Variants in AFF1 observed in about 807,000 individuals in gnomAD.
The protein encoded by AFF1 is AF4/FMR2 family member 1.
A neutral mutation model predicts 121.7 loss-of-function variants in AFF1; 48 were observed. The observed-to-expected ratio is 0.39, with a 90% CI of 0.31 to 0.50. The LOEUF is 0.50. Ranked by LOEUF, AFF1 falls within the 20% of genes least tolerant of loss-of-function variation. The probability of loss-of-function intolerance (pLI) is 0.76; values close to 1 mark genes in which losing one functional copy is unlikely to be tolerated. For missense variants in AFF1, 1,523 were observed against 1,511.7 expected (o/e 1.01, Z -0.12); for synonymous variants, 613 against 563.0 (o/e 1.09, Z -1.26).
intron 4 of AFF1, among the ~76,000 whole-genome samples, chr4:87,049,394 G>A (rs1239912638): frequency 1.3e-5 from 2 of 152,092 alleles, no homozygotes; most frequent in East Asian, 3.9e-4. Flanking sequence ...GATGTTTCTG[G>A]GAGAGGATTC....
chr4:87,007,542 T>C, intron 2 of AFF1: 1 of 1,340,832 alleles, frequency 7.5e-7, no homozygotes, highest in Non-Finnish European at 1.1e-6. Context: ...GTCATTGCCT[T>C]CTCATCATTC....
intron 4 of AFF1, among the ~76,000 whole-genome samples, chr4:87,075,231 GT>G (rs930640588): frequency 2.6e-5 from 4 of 151,786 alleles, no homozygotes; most frequent in African/African-American, 9.7e-5. Context: ...GATTTAGTGG[GT>G]TTTTTTAGCT....
chr4:86,971,091 A>G (rs1488151389), intron 2 of AFF1, among the ~76,000 whole-genome samples: 4 of 152,204 alleles, frequency 2.6e-5, no homozygotes, highest in South Asian at 4.1e-4. Flanking sequence ...TGCGGTGAGC[A>G]TGGGAAAAGC....
intron 4 of AFF1, among the ~76,000 whole-genome samples, chr4:87,050,410 A>G (rs946291491): frequency 1.3e-5 from 2 of 152,168 alleles, no homozygotes; most frequent in African/African-American, 2.4e-5. Context: ...GATTTTACAA[A>G]TGAACCCAAA....
intron 2 of AFF1, among the ~76,000 whole-genome samples, chr4:87,019,483 A>T (rs1180891697): frequency 1.3e-5 from 2 of 152,186 alleles, no homozygotes; most frequent in African/African-American, 4.8e-5. Flanking sequence ...AAAAATCTGA[A>T]CTGAAGGGTG....
intron 1 of AFF1, among the ~76,000 whole-genome samples, chr4:86,940,340 T>C (rs1720361864): frequency 6.6e-6 from 1 of 152,206 alleles, no homozygotes; most frequent in Non-Finnish European, 1.5e-5. Context: ...CAAAGGGTTA[T>C]GTGAAGAGGG....
chr4:87,126,106 A>C lies in AFF1; in HGVS notation c.2581A>C (p.Arg861=), dbSNP rs1435645522. 3.1e-6 allele frequency: 5 copies of C among 1,613,974 alleles called. No homozygotes were observed. In the East Asian group the frequency reaches 8.9e-5, roughly 29 times the overall value. ...CGTGATGTTTCACTCCAGGCCCTCC[A>C]GGCCCTCCTCACAGTCCTCAAAGAA... is the stretch of plus-strand genomic sequence containing the variant. The part of the protein sequence containing the change: ...HKESSKTKPS[R]PSSQSSKKEM... Residue 861 remains arginine, a synonymous_variant, in exon 14 of 21, where the codon AGG becomes CGG. Transcript: ENST00000395146.
chr4:87,021,749 A>C (rs945544974), intron 2 of AFF1, among the ~76,000 whole-genome samples: 3 of 152,174 alleles, frequency 2.0e-5, no homozygotes, highest in African/African-American at 7.2e-5. Context: ...TTATGCATTA[A>C]ATTTTTTCAC....
At chr4:87,055,568 A>G (rs392347) in intron 4 of AFF1, among the ~76,000 whole-genome samples, 3 of 152,092 alleles carry the variant, frequency 2.0e-5, no homozygotes, top group Admixed American at 2.0e-4. Flanking sequence ...ACTCTTTTGA[A>G]TCTTCCCAGA....
At chr4:86,992,891 T>G (rs988032185) in intron 2 of AFF1, among the ~76,000 whole-genome samples, 10 of 152,216 alleles carry the variant, frequency 6.6e-5, no homozygotes, top group African/African-American at 2.4e-4. Flanking sequence ...AATTGTAATT[T>G]CAAGACATGT....
intron 5 of AFF1, among the ~76,000 whole-genome samples, chr4:87,088,901 A>C (rs1724011567): frequency 6.6e-6 from 1 of 152,156 alleles, no homozygotes; most frequent in African/African-American, 2.4e-5. Context: ...ATGCACACCC[A>C]AACCCAGCTA....
intron 2 of AFF1, among the ~76,000 whole-genome samples, chr4:87,012,924 C>T (rs1393047208): frequency 1.3e-5 from 2 of 152,058 alleles, no homozygotes; most frequent in Non-Finnish European, 2.9e-5. Flanking sequence ...GCCACAGAGC[C>T]AACAGACCTG....
At chr4:87,014,280 A>C (rs1727092509) in intron 2 of AFF1, among the ~76,000 whole-genome samples, 3 of 152,146 alleles carry the variant, frequency 2.0e-5, no homozygotes, top group Non-Finnish European at 2.9e-5. Context: ...ACTGCTAAGT[A>C]TCTCTCTCTC....
Position 87,114,870 on chromosome 4 carries a change from C to T in AFF1, c.2037C>T (p.His679=). The change falls in exon 12 of 21, where the codon CAC becomes CAT. Residue 679 remains histidine, a synonymous_variant. Coordinates refer to ENST00000395146, the MANE Select transcript of AFF1 (RefSeq NM_001166693.3). ...CCCCCTCCAGTGAGAAGAAGAAGCACAAGAGCTCCCTCCCTGCCCCCTCTA... is the reference window on the plus strand; with the variant it reads ...CCCCCTCCAGTGAGAAGAAGAAGCATAAGAGCTCCCTCCCTGCCCCCTCTA... ...AVPPSSEKKK[H]KSSLPAPSKA... 1 of 1,613,958 alleles carries T rather than the reference C, an allele frequency of 6.2e-7. No homozygotes were observed. Among genetic ancestry groups the T allele is most frequent in the Non-Finnish European group, 8.5e-7 (1 of 1,179,944 alleles).
At chr4:87,090,994 A>C (rs927058977) in intron 6 of AFF1, among the ~76,000 whole-genome samples, 1 of 144,984 alleles carries the variant, frequency 6.9e-6, no homozygotes, top group African/African-American at 2.6e-5. Context: ...CAGCCTAGAC[A>C]ACGGTGAGAC....
At chr4:86,989,571 TTGG>T (rs1240085137) in intron 2 of AFF1, among the ~76,000 whole-genome samples, 4 of 152,218 alleles carry the variant, frequency 2.6e-5, no homozygotes, top group Non-Finnish European at 5.9e-5. Context: ...TTTTACACTG[TTGG>T]TGGGAGTGTA....
intron 2 of AFF1, among the ~76,000 whole-genome samples, chr4:86,996,745 A>T (rs1420414157): frequency 6.6e-6 from 1 of 152,002 alleles, no homozygotes; most frequent in Non-Finnish European, 1.5e-5. Context: ...CAAACAAAAA[A>T]ACCCACAAAT....
At chr4:86,954,966 T>C (rs373604148) in intron 2 of AFF1, among the ~76,000 whole-genome samples, 100 of 152,290 alleles carry the variant, frequency 6.6e-4, no homozygotes, top group African/African-American at 2.2e-3. Context: ...ATATTACTTA[T>C]GTAATCACTT....
At chr4:87,082,852 G>T (rs1309552179) in intron 4 of AFF1, among the ~76,000 whole-genome samples, 1 of 152,176 alleles carries the variant, frequency 6.6e-6, no homozygotes, top group Non-Finnish European at 1.5e-5. Flanking sequence ...ATAAACCCTA[G>T]ATTGCAAATT....
Sources: gnomAD v4.1 joint callset for allele counts (sites outside exome capture counted in the v4.1 genomes callset) on GRCh38, gnomAD v4.1.1 for gene constraint, MANE v1.5 for transcripts, NCBI Gene and HGNC (gene_info 2026-07-23, HGNC 2026-07-21) for gene names.